Variants in TASP1 observed in about 807,000 individuals in gnomAD.
TASP1 encodes taspase 1, also known as threonine aspartase 1.
In TASP1, 16 loss-of-function variants were observed where a neutral mutation model predicts 56.6. The observed-to-expected ratio is 0.28, with a 90% CI of 0.19 to 0.43. The LOEUF is 0.43. Ranked by LOEUF, TASP1 falls within the 20% of genes least tolerant of loss-of-function variation. TASP1 has a pLI of 1.00. For missense variants in TASP1, 393 were observed against 511.6 expected (o/e 0.77, Z 2.24); for synonymous variants, 179 against 184.2 (o/e 0.97, Z 0.23).
the TASP1 span, among the ~76,000 whole-genome samples, chr20:13,358,322 C>G: frequency 6.6e-6 from 1 of 152,182 alleles, no homozygotes; most frequent in Admixed American, 6.5e-5. Flanking sequence ...TTCACACGGA[C>G]GCGCATGAAA....
chr20:13,268,962 G>A, the TASP1 span, among the ~76,000 whole-genome samples: 1 of 152,084 alleles, frequency 6.6e-6, no homozygotes, highest in Non-Finnish European at 1.5e-5. Context: ...CCTTCCCTAA[G>A]GTTAGCTCTC....
At chr20:13,520,348 C>A (rs2044697974) in intron 10 of TASP1, among the ~76,000 whole-genome samples, 1 of 152,194 alleles carries the variant, frequency 6.6e-6, no homozygotes, top group Admixed American at 6.5e-5. Context: ...AAGCTGGAGG[C>A]ATCTCGCTAC....
At chr20:13,588,234 AAAGAAAGAAAGG>A (rs1226465869) in intron 4 of TASP1, among the ~76,000 whole-genome samples, 2 of 142,946 alleles carry the variant, frequency 1.4e-5, no homozygotes, top group African/African-American at 5.4e-5. Flanking sequence ...CAAAAAGGAG[AAAGAAAGAAAGG>A]AAGAAAGGAA....
chr20:13,279,866 G>C, the TASP1 span: 17 of 1,613,888 alleles, frequency 1.1e-5, no homozygotes, highest in Middle Eastern at 4.9e-4. Context: ...CCAGGCCACC[G>C]GACTTTTGAA....
chr20:13,635,233 C>A (rs1160185774), intron 1 of TASP1, among the ~76,000 whole-genome samples: 5 of 152,034 alleles, frequency 3.3e-5, no homozygotes, highest in African/African-American at 1.2e-4. Context: ...GTATCTTTCC[C>A]AAGTTACTTA....
At chr20:13,401,354 A>G (rs1452309048) in intron 13 of TASP1, among the ~76,000 whole-genome samples, 1 of 152,172 alleles carries the variant, frequency 6.6e-6, no homozygotes, top group Non-Finnish European at 1.5e-5. Flanking sequence ...TGTTATATCT[A>G]CGCACCATCC....
chr20:13,613,720 A>G (rs1236561156), intron 4 of TASP1, among the ~76,000 whole-genome samples: 5 of 152,168 alleles, frequency 3.3e-5, no homozygotes, highest in East Asian at 1.9e-4. Context: ...GCTGTAGCCA[A>G]TTGGCTACAG....
At chr20:13,184,812 A>G in the TASP1 span, among the ~76,000 whole-genome samples, 18 of 152,170 alleles carry the variant, frequency 1.2e-4, no homozygotes, top group African/African-American at 3.9e-4. Context: ...TAAACAATCC[A>G]CAGCTGGAAT....
downstream of TASP1, among the ~76,000 whole-genome samples, chr20:13,389,217 T>A (rs2041192543): frequency 6.6e-6 from 1 of 152,192 alleles, no homozygotes; most frequent in African/African-American, 2.4e-5. Flanking sequence ...CAAGAGAAAT[T>A]TTAGGGACTT....
the TASP1 span, among the ~76,000 whole-genome samples, chr20:13,187,071 T>G: frequency 6.6e-6 from 1 of 152,086 alleles, no homozygotes; most frequent in African/African-American, 2.4e-5. Flanking sequence ...TAAAAAACAC[T>G]GTAACAGAAA....
At chr20:13,124,321 G>C in the TASP1 span, among the ~76,000 whole-genome samples, 2 of 151,944 alleles carry the variant, frequency 1.3e-5, no homozygotes, top group Admixed American at 1.3e-4. Flanking sequence ...GGGGGAGGGG[G>C]AGAAGAAAAG....
chr20:13,566,909 A>G (rs2046549086), intron 7 of TASP1, among the ~76,000 whole-genome samples: 1 of 152,176 alleles, frequency 6.6e-6, no homozygotes, highest in South Asian at 2.1e-4. Flanking sequence ...CATTTGACCT[A>G]GCAACCCCGT....
chr20:13,289,945 T>C, the TASP1 span, among the ~76,000 whole-genome samples: 2 of 152,230 alleles, frequency 1.3e-5, no homozygotes, highest in South Asian at 4.1e-4. Context: ...TTTTCTACCT[T>C]AGACACTCAG....
chr20:13,164,658 T>C, the TASP1 span: 1 of 852,176 alleles, frequency 1.2e-6, no homozygotes, highest in South Asian at 1.6e-5. Context: ...AAACTAAGAC[T>C]GTGTGTCTTT....
the TASP1 span, among the ~76,000 whole-genome samples, chr20:13,261,475 C>T: frequency 2.0e-5 from 3 of 151,562 alleles, no homozygotes; most frequent in Middle Eastern, 3.2e-3. Context: ...AAGCAACTAC[C>T]TGAGGCGTGG....
chr20:13,265,312 CTTTT>C, the TASP1 span, among the ~76,000 whole-genome samples: 1 of 152,146 alleles, frequency 6.6e-6, no homozygotes, highest in Non-Finnish European at 1.5e-5. Flanking sequence ...ACCTTTCTTT[CTTTT>C]TAATACCAAT....
At chr20:13,374,239 C>G in the TASP1 span, among the ~76,000 whole-genome samples, 1 of 152,106 alleles carries the variant, frequency 6.6e-6, no homozygotes, top group Non-Finnish European at 1.5e-5. Flanking sequence ...TGGTCCCTCT[C>G]TGAGGAAGTT....
At chr20:13,538,053 A>C (rs1168128540) in intron 8 of TASP1, among the ~76,000 whole-genome samples, 1 of 144,486 alleles carries the variant, frequency 6.9e-6, no homozygotes, top group African/African-American at 2.6e-5. Flanking sequence ...CCCAGGCTGG[A>C]GTGCAATGGC....
chr20:13,209,201 C>A, the TASP1 span, among the ~76,000 whole-genome samples: 2 of 151,998 alleles, frequency 1.3e-5, no homozygotes, highest in Non-Finnish European at 2.9e-5. Context: ...CCTAGACCAC[C>A]CAAGATCGAT....
Sources: gnomAD v4.1 joint callset for allele counts (sites outside exome capture counted in the v4.1 genomes callset) on GRCh38, gnomAD v4.1.1 for gene constraint, MANE v1.5 for transcripts, NCBI Gene and HGNC (gene_info 2026-07-23, HGNC 2026-07-21) for gene names.